UNC13C: variants seen among roughly 807,000 people sequenced by gnomAD.
The protein encoded by UNC13C is protein unc-13 homolog C.
UNC13C carries 174 observed loss-of-function variants against 245.4 expected under a neutral mutation model. That is an observed-to-expected ratio of 0.71 (90% confidence interval 0.63 to 0.80). UNC13C has a LOEUF of 0.80. Among genes scored for constraint, UNC13C ranks in the 30% least tolerant of loss-of-function variants. The pLI is 0.00. For missense variants in UNC13C, 2,829 were observed against 2,602.9 expected (o/e 1.09, Z -1.89); for synonymous variants, 992 against 895.1 (o/e 1.11, Z -1.93).
intron 13 of UNC13C, among the ~76,000 whole-genome samples, chr15:54,312,144 C>T (rs1237115745): frequency 6.6e-6 from 1 of 151,626 alleles, no homozygotes. Context: ...TGATCATATT[C>T]AGCAGTATTT....
chr15:54,330,588 A>C (rs1287113496), intron 14 of UNC13C, among the ~76,000 whole-genome samples: 1 of 152,040 alleles, frequency 6.6e-6, no homozygotes, highest in Non-Finnish European at 1.5e-5. Context: ...GAGATGTTAC[A>C]CGAATCACAC....
intron 28 of UNC13C, among the ~76,000 whole-genome samples, chr15:54,551,473 C>A (rs544262898): frequency 6.6e-6 from 1 of 152,006 alleles, no homozygotes. Context: ...CCTATGAACT[C>A]TGATCGAGAT....
chr15:54,155,033 G>C lies in UNC13C; in HGVS notation c.3071+11349G>C, dbSNP rs190012946. Among the ~76,000 whole-genome samples, 101 of 152,320 alleles carry C rather than the reference G, an allele frequency of 6.6e-4. 1 individual carries two copies. The highest frequency in any genetic ancestry group is 3.4e-3 in the Middle Eastern group (1 of 294). On this transcript the variant is annotated intron_variant, in intron 4 of 32. Transcript: ENST00000260323. ...TCAGATGCTTGATTATTTAAAACCT[G>C]TTCCAATCTTAATGTCCTATCCTTA...
chr15:54,093,531 A>G (rs1899682967), intron 2 of UNC13C, among the ~76,000 whole-genome samples: 1 of 152,220 alleles, frequency 6.6e-6, no homozygotes, highest in African/African-American at 2.4e-5. Context: ...GTTTAATGAG[A>G]ACATCTTTTA....
chr15:54,062,788 G>T (rs746762273), intron 2 of UNC13C, among the ~76,000 whole-genome samples: 5 of 152,282 alleles, frequency 3.3e-5, no homozygotes, highest in Admixed American at 6.5e-5. Context: ...AGGTGATCCT[G>T]ATCCTCCATA....
At position 54,448,129 on chromosome 15, in the gene UNC13C, G is replaced by A. The variant is rs76302841; in HGVS notation, c.4933+33062G>A. Among the ~76,000 whole-genome samples the A allele has an allele frequency of 3.7e-4, 56 of 152,210 alleles. No homozygotes were observed. The East Asian group carries it at 0.01, about 28-fold the overall frequency. ...TGAGTTCTAGTTTGATTACACTATG[G>A]TCTGAGAGACAGTTTGTTATAATTT... On this transcript the variant is annotated intron_variant, in intron 19 of 32. Coordinates refer to ENST00000260323, the MANE Select transcript of UNC13C (RefSeq NM_001080534.3).
chr15:54,361,130 A>C (rs2039221145), intron 17 of UNC13C, among the ~76,000 whole-genome samples: 1 of 152,036 alleles, frequency 6.6e-6, no homozygotes, highest in Non-Finnish European at 1.5e-5. Flanking sequence ...GTGGCTCATA[A>C]TTCTCATAGG....
intron 2 of UNC13C, among the ~76,000 whole-genome samples, chr15:54,021,253 C>G (rs951368813): frequency 1.3e-5 from 2 of 152,036 alleles, no homozygotes; most frequent in Non-Finnish European, 2.9e-5. Flanking sequence ...ACTGTGGTCA[C>G]CATACCGTGC....
chr15:54,397,566 G>T (rs1043807199), intron 18 of UNC13C, among the ~76,000 whole-genome samples: 3 of 151,334 alleles, frequency 2.0e-5, no homozygotes, highest in South Asian at 2.1e-4. Flanking sequence ...CAAGAAAAAG[G>T]TCTGCTGGAC....
Position 54,321,378 on chromosome 15 carries a change from T to C in UNC13C, c.4269-561T>C, listed in dbSNP as rs76766738. On this transcript the variant is annotated intron_variant, in intron 13 of 32. Coordinates refer to ENST00000260323, the MANE Select transcript of UNC13C (RefSeq NM_001080534.3). ...CACCAAGATCTTTTTCAAATTTAAG[T>C]GGGTACCTGGTCTTTGAGAATCTTC... is the stretch of plus-strand genomic sequence containing the variant. The C allele has an allele frequency of 1.4e-3, 706 of 487,496 alleles. 6 individuals carry two copies. The highest frequency in any genetic ancestry group is 0.012 in the African/African-American group (630 of 50,758). The allele number at this position is 487,496 out of a possible 1,614,324, so 30.2% of individuals were successfully genotyped here. A position where few individuals can be genotyped will look rare whatever the true frequency, so the allele number is the denominator to read the frequency against.
intron 17 of UNC13C, among the ~76,000 whole-genome samples, chr15:54,361,719 A>C (rs1400828621): frequency 3.9e-5 from 6 of 152,188 alleles, no homozygotes; most frequent in African/African-American, 1.4e-4. Flanking sequence ...GAACTAAAAC[A>C]CTGCACTGGA....
chr15:54,439,229 G>A (rs1327164203), intron 19 of UNC13C, among the ~76,000 whole-genome samples: 1 of 151,990 alleles, frequency 6.6e-6, no homozygotes, highest in East Asian at 1.9e-4. Flanking sequence ...ACAGTAGTAA[G>A]TCCAAAATCT....
At chr15:54,060,444 T>C (rs370230028) in intron 2 of UNC13C, among the ~76,000 whole-genome samples, 150 of 152,108 alleles carry the variant, frequency 9.9e-4, no homozygotes, top group African/African-American at 3.4e-3. Flanking sequence ...GTTAGAATGG[T>C]GATCATTAAA....
intron 17 of UNC13C, among the ~76,000 whole-genome samples, chr15:54,354,521 A>G (rs886334915): frequency 6.6e-6 from 1 of 152,196 alleles, no homozygotes; most frequent in Non-Finnish European, 1.5e-5. Flanking sequence ...CTTGCAAAGC[A>G]TCTTCCAGGT....
intron 10 of UNC13C, among the ~76,000 whole-genome samples, chr15:54,289,652 A>G (rs957437044): frequency 2.8e-4 from 43 of 152,250 alleles, no homozygotes; most frequent in Non-Finnish European, 5.9e-4. Flanking sequence ...TGTAGAGGTT[A>G]AAGTACTAGC....
the UNC13C span, among the ~76,000 whole-genome samples, chr15:53,949,825 A>G: frequency 5.9e-5 from 9 of 152,222 alleles, no homozygotes; most frequent in Admixed American, 3.3e-4. Context: ...TATGTATACT[A>G]AAGTCTGAAT....
At chr15:54,199,002 A>G (rs2034442874) in intron 4 of UNC13C, among the ~76,000 whole-genome samples, 1 of 152,028 alleles carries the variant, frequency 6.6e-6, no homozygotes, top group South Asian at 2.1e-4. Flanking sequence ...AAAAACAATT[A>G]CAGCTTCTGG....
chr15:53,953,916 G>A, the UNC13C span, among the ~76,000 whole-genome samples: 4 of 152,230 alleles, frequency 2.6e-5, no homozygotes, highest in East Asian at 1.9e-4. Context: ...TAGATGCTAC[G>A]TGCAGTTGGC....
chr15:54,378,972 G>T (rs2039663710), intron 17 of UNC13C, among the ~76,000 whole-genome samples: 1 of 152,002 alleles, frequency 6.6e-6, no homozygotes, highest in African/African-American at 2.4e-5. Context: ...CATTTAAACT[G>T]AAAGGACCCT....
Sources: allele counts gnomAD v4.1 joint callset (sites outside exome capture counted in the v4.1 genomes callset), GRCh38; gene constraint gnomAD v4.1.1; transcripts MANE v1.5; gene names NCBI Gene and HGNC (gene_info 2026-07-23, HGNC 2026-07-21).